Variants in TRMT11 observed in about 807,000 individuals in gnomAD.
TRMT11 encodes tRNA methyltransferase 11, also known as tRNA (guanine(10)-N(2))-methyltransferase TRMT11.
In TRMT11, 53 loss-of-function variants were observed where a neutral mutation model predicts 62.8. The ratio of observed to expected loss-of-function variants is 0.84; its 90% CI spans 0.68 to 1.06. The LOEUF (loss-of-function observed/expected upper bound fraction) is 1.06, where lower values mean the gene tolerates loss of function less well. Among genes scored for constraint, TRMT11 ranks in the 50% least tolerant of loss-of-function variants. The pLI, the probability that TRMT11 is intolerant of heterozygous loss-of-function variation, is 0.00. For synonymous variants in TRMT11, 188 were observed against 190.3 expected (o/e 0.99, Z 0.10); for missense variants, 556 against 553.4 (o/e 1.00, Z -0.05).
chr6:126,163,972 C>T (rs1562338072), intron 21 of TRMT11, among the ~76,000 whole-genome samples: 1 of 152,134 alleles, frequency 6.6e-6, no homozygotes, highest in Non-Finnish European at 1.5e-5. Flanking sequence ...TTGCTGTCTC[C>T]TTCAGTTCTG....
At chr6:126,013,693 T>C (rs1177909828) in intron 11 of TRMT11, among the ~76,000 whole-genome samples, 1 of 152,236 alleles carries the variant, frequency 6.6e-6, no homozygotes, top group East Asian at 1.9e-4. Flanking sequence ...AGTTTTTAGA[T>C]TTTTGAAGTG....
intron 1 of TRMT11, among the ~76,000 whole-genome samples, chr6:126,183,990 A>C (rs1391013372): frequency 6.6e-6 from 1 of 152,156 alleles, no homozygotes; most frequent in African/African-American, 2.4e-5. Context: ...TAATTGGATG[A>C]GATGTCATTT....
intron 7 of TRMT11, among the ~76,000 whole-genome samples, chr6:126,003,636 G>A (rs1028379383): frequency 4.7e-4 from 72 of 151,996 alleles, no homozygotes; most frequent in African/African-American, 1.6e-3. Context: ...TACGAATGAA[G>A]TATCACAATT....
At chr6:126,185,225 A>G (rs987705897) in intron 1 of TRMT11, among the ~76,000 whole-genome samples, 21 of 152,178 alleles carry the variant, frequency 1.4e-4, no homozygotes, top group African/African-American at 5.1e-4. Context: ...TTCTAAGTGA[A>G]GGATAGAGTC....
At chr6:125,999,677 G>A (rs1300474385) in intron 7 of TRMT11, 64 bp downstream of exon 7, 2 of 1,429,406 alleles carry the variant, frequency 1.4e-6, no homozygotes, top group African/African-American at 2.9e-5. Flanking sequence ...TGAAGGTCAT[G>A]GTAATATTTT....
chr6:126,154,068 C>T (rs1778088851), intron 21 of TRMT11, among the ~76,000 whole-genome samples: 1 of 152,132 alleles, frequency 6.6e-6, no homozygotes, highest in South Asian at 2.1e-4. Flanking sequence ...GACTGTATGC[C>T]ACTCATTGGT....
chr6:126,132,926 T>C (rs1777803792), intron 21 of TRMT11, among the ~76,000 whole-genome samples: 1 of 152,074 alleles, frequency 6.6e-6, no homozygotes, highest in Non-Finnish European at 1.5e-5. Flanking sequence ...CAAAACTTTT[T>C]TTCCCTTAAT....
At chr6:126,246,999 C>A in the TRMT11 span, among the ~76,000 whole-genome samples, 43 of 152,298 alleles carry the variant, frequency 2.8e-4, no homozygotes, top group African/African-American at 9.9e-4. Flanking sequence ...CTGCCTGAGG[C>A]TGGTGCTTCC....
intron 16 of TRMT11, among the ~76,000 whole-genome samples, chr6:126,044,722 G>T (rs144529294): frequency 1.3e-5 from 2 of 152,262 alleles, no homozygotes; most frequent in African/African-American, 4.8e-5. Flanking sequence ...GGAAGATAGT[G>T]TCTTCCTTTC....
At chr6:126,101,210 A>G (rs1000281960) in intron 17 of TRMT11, among the ~76,000 whole-genome samples, 1 of 152,154 alleles carries the variant, frequency 6.6e-6, no homozygotes, top group Non-Finnish European at 1.5e-5. Flanking sequence ...TACAAAGCTG[A>G]TGAAGTCTGG....
chr6:126,269,918 C>T, the TRMT11 span, among the ~76,000 whole-genome samples: 1 of 152,112 alleles, frequency 6.6e-6, no homozygotes, highest in Non-Finnish European at 1.5e-5. Context: ...AACTGGCTAC[C>T]TGTAAGAGAG....
chr6:126,232,402 C>G, the TRMT11 span, among the ~76,000 whole-genome samples: 3 of 150,746 alleles, frequency 2.0e-5, no homozygotes, highest in Non-Finnish European at 4.4e-5. Context: ...TTTTATAGAA[C>G]AGTAGAAAAC....
At chr6:126,047,575 G>A (rs562607542) in intron 16 of TRMT11, among the ~76,000 whole-genome samples, 9 of 152,140 alleles carry the variant, frequency 5.9e-5, no homozygotes, top group South Asian at 2.1e-4. Context: ...ACAAGGACCC[G>A]GGTATCAAGA....
At chr6:126,038,571 T>A in intron 12 of TRMT11, 134 bp from the exon 13 acceptor site, 2 of 647,758 alleles carry the variant, frequency 3.1e-6, no homozygotes. Flanking sequence ...TATTTCTAAT[T>A]CAAGTAGTGA....
chr6:126,192,152 A>T (rs1487188061), intron 1 of TRMT11, among the ~76,000 whole-genome samples: 1 of 151,966 alleles, frequency 6.6e-6, no homozygotes, highest in Non-Finnish European at 1.5e-5. Context: ...TCTTGAAGAG[A>T]CCTTTCACTT....
At chr6:126,195,393 A>G (rs1333085293) in intron 1 of TRMT11, among the ~76,000 whole-genome samples, 2 of 152,182 alleles carry the variant, frequency 1.3e-5, no homozygotes, top group Non-Finnish European at 1.5e-5. Context: ...ATTTTCAGTG[A>G]TAATCTCATA....
At chr6:126,036,095 A>G (rs923417399) in intron 12 of TRMT11, among the ~76,000 whole-genome samples, 16 of 152,068 alleles carry the variant, frequency 1.1e-4, no homozygotes, top group African/African-American at 3.9e-4. Context: ...AGTAATCCAC[A>G]GGCAGTTTGA....
At chr6:126,025,882 T>A (rs928558334) in intron 12 of TRMT11, among the ~76,000 whole-genome samples, 10 of 151,936 alleles carry the variant, frequency 6.6e-5, no homozygotes, top group Admixed American at 1.3e-4. Flanking sequence ...GTATTCTCCC[T>A]ATCCCTCTTT....
the TRMT11 span, among the ~76,000 whole-genome samples, chr6:126,248,627 T>G: frequency 6.6e-6 from 1 of 152,252 alleles, no homozygotes; most frequent in Non-Finnish European, 1.5e-5. Flanking sequence ...ATTATATATT[T>G]AATAGTTTAT....
Sources: allele counts gnomAD v4.1 joint callset (sites outside exome capture counted in the v4.1 genomes callset), GRCh38; gene constraint gnomAD v4.1.1; transcripts MANE v1.5; gene names NCBI Gene and HGNC (gene_info 2026-07-23, HGNC 2026-07-21).